CDH12: variants seen among roughly 807,000 people sequenced by gnomAD.
CDH12 encodes cadherin 12.
A neutral mutation model predicts 74.1 loss-of-function variants in CDH12; 41 were observed. That is an observed-to-expected ratio of 0.55 (90% CI 0.43 to 0.72). CDH12 has a LOEUF of 0.72. Among genes scored for constraint, CDH12 ranks in the 30% least tolerant of loss-of-function variants. The pLI is 0.00. For missense variants in CDH12, 945 were observed against 977.2 expected (o/e 0.97, Z 0.44); for synonymous variants, 399 against 355.0 (o/e 1.12, Z -1.39).
At chr5:22,834,247 T>A (rs1160844676) in intron 1 of CDH12, among the ~76,000 whole-genome samples, 2 of 152,106 alleles carry the variant, frequency 1.3e-5, no homozygotes, top group African/African-American at 4.8e-5. Flanking sequence ...ATGTCTTATA[T>A]TTGACAGCCA....
chr5:21,776,414 A>T (rs1282516734), intron 11 of CDH12, among the ~76,000 whole-genome samples: 1 of 152,158 alleles, frequency 6.6e-6, no homozygotes, highest in Non-Finnish European at 1.5e-5. Flanking sequence ...TACCTCATAC[A>T]TAAAGAGTAG....
At chr5:22,553,061 T>C (rs1738646845) in intron 1 of CDH12, among the ~76,000 whole-genome samples, 1 of 152,152 alleles carries the variant, frequency 6.6e-6, no homozygotes. Context: ...CCTCAAAAGG[T>C]ACTTAACTCC....
At chr5:22,353,010 T>A (rs764841313) in intron 3 of CDH12, among the ~76,000 whole-genome samples, 11 of 152,256 alleles carry the variant, frequency 7.2e-5, no homozygotes, top group Middle Eastern at 3.4e-3. Flanking sequence ...ACCAAACAGA[T>A]CCTCACTTAT....
chr5:22,139,454 T>G (rs1235693133), intron 4 of CDH12: 2 of 117,364 alleles, frequency 1.7e-5, no homozygotes, highest in Admixed American at 8.7e-5. Context: ...CTTTCATCTA[T>G]TCCATAATTT....
chr5:21,987,344 T>C (rs1757560733), intron 5 of CDH12, among the ~76,000 whole-genome samples: 1 of 152,154 alleles, frequency 6.6e-6, no homozygotes, highest in African/African-American at 2.4e-5. Flanking sequence ...ACTTTAAAAA[T>C]ATTTGATATA....
chr5:21,991,996 A>G (rs1481502160), intron 5 of CDH12, among the ~76,000 whole-genome samples: 2 of 152,018 alleles, frequency 1.3e-5, no homozygotes, highest in African/African-American at 4.8e-5. Flanking sequence ...AGTAATCTTA[A>G]TCCCAAAGAT....
intron 3 of CDH12, among the ~76,000 whole-genome samples, chr5:22,353,884 G>A (rs1740456576): frequency 6.6e-6 from 1 of 152,266 alleles, no homozygotes; most frequent in African/African-American, 2.4e-5. Context: ...CTGGTACATG[G>A]ATTGCATATG....
intron 5 of CDH12, among the ~76,000 whole-genome samples, chr5:22,075,116 A>C (rs1742215701): frequency 6.6e-6 from 1 of 152,052 alleles, no homozygotes; most frequent in South Asian, 2.1e-4. Context: ...TACACCATGG[A>C]ATTCTATGCA....
At chr5:22,224,728 T>G (rs945406488) in intron 3 of CDH12, among the ~76,000 whole-genome samples, 5 of 151,826 alleles carry the variant, frequency 3.3e-5, no homozygotes, top group African/African-American at 1.2e-4. Context: ...CAATATCAAT[T>G]TAATTTAACA....
chr5:21,788,152 AGACTGTTTC>A (rs1408531538), intron 10 of CDH12, among the ~76,000 whole-genome samples: 1 of 152,190 alleles, frequency 6.6e-6, no homozygotes, highest in African/African-American at 2.4e-5. Flanking sequence ...ATGTATAAAC[AGACTGTTTC>A]AATGCCTGAA....
At chr5:21,871,491 T>C (rs11740354) in intron 6 of CDH12, among the ~76,000 whole-genome samples, 139,562 of 152,232 alleles carry the variant, frequency 0.92, 65,109 homozygotes, top group Non-Finnish European at 1. Context: ...CCCAGCACTT[T>C]GGAGGCCGAG....
intron 1 of CDH12, among the ~76,000 whole-genome samples, chr5:22,561,822 G>T (rs894333281): frequency 1.1e-4 from 16 of 152,058 alleles, no homozygotes; most frequent in African/African-American, 3.9e-4. Context: ...GTTAGCTCTG[G>T]TAAAACTGGA....
At chr5:21,889,814 T>G in intron 6 of CDH12, 1 of 985,336 alleles carries the variant, frequency 1.0e-6, no homozygotes, top group Non-Finnish European at 1.2e-6. Flanking sequence ...ATATAGATGA[T>G]GAAGAACAGC....
At chr5:22,631,370 G>C (rs906550293) in intron 1 of CDH12, among the ~76,000 whole-genome samples, 4 of 152,106 alleles carry the variant, frequency 2.6e-5, no homozygotes, top group African/African-American at 9.7e-5. Context: ...CAATATTAGA[G>C]ACACAGAATC....
chr5:21,898,687 C>T (rs554005676), intron 6 of CDH12, among the ~76,000 whole-genome samples: 263 of 151,524 alleles, frequency 1.7e-3, no homozygotes, highest in African/African-American at 5.9e-3. Context: ...GGCAACAGAG[C>T]GAGACTCCAT....
intron 6 of CDH12, among the ~76,000 whole-genome samples, chr5:21,950,754 TA>T (rs1755813709): frequency 8.3e-6 from 1 of 121,124 alleles, no homozygotes. Context: ...ACATAAATTT[TA>T]TTTTATTATT....
chr5:21,880,616 C>CTTCCTTTTCTTTCT (rs758455941), intron 6 of CDH12, among the ~76,000 whole-genome samples: 2 of 50,810 alleles, frequency 3.9e-5, no homozygotes, highest in Non-Finnish European at 7.2e-5. Context: ...TCCTTCCTTC[C>CTTCCTTTTCTTTCT]TTCTTTCTTT....
intron 11 of CDH12, among the ~76,000 whole-genome samples, chr5:21,778,726 G>C (rs1745742630): frequency 6.6e-6 from 1 of 151,878 alleles, no homozygotes; most frequent in Middle Eastern, 3.2e-3. Flanking sequence ...CTTAAGAATA[G>C]ATATCATTCC....
intron 1 of CDH12, among the ~76,000 whole-genome samples, chr5:22,847,852 C>G (rs1737376196): frequency 6.6e-6 from 1 of 151,774 alleles, no homozygotes; most frequent in Admixed American, 6.6e-5. Context: ...ACTGTATGAT[C>G]AGCCTCTTTC....
Sources: gnomAD v4.1 joint callset for allele counts (sites outside exome capture counted in the v4.1 genomes callset) on GRCh38, gnomAD v4.1.1 for gene constraint, MANE v1.5 for transcripts, NCBI Gene and HGNC (gene_info 2026-07-23, HGNC 2026-07-21) for gene names.